Variants in PRKCE observed in about 807,000 individuals in gnomAD.
PRKCE encodes the protein protein kinase C epsilon type.
Under a neutral mutation model 85.4 loss-of-function variants are expected in PRKCE, and 16 were observed. The observed-to-expected ratio is 0.19, with a 90% confidence interval of 0.13 to 0.28. The LOEUF (loss-of-function observed/expected upper bound fraction) is 0.28, where lower values mean the gene tolerates loss of function less well. Among genes scored for constraint, PRKCE ranks in the 10% least tolerant of loss-of-function variants. The pLI, the probability that PRKCE is intolerant of heterozygous loss-of-function variation, is 1.00. For missense variants in PRKCE, 573 were observed against 975.2 expected (o/e 0.59, Z 5.49); for synonymous variants, 388 against 371.5 (o/e 1.04, Z -0.51).
At chr2:45,934,616 T>G (rs1699294162) in intron 2 of PRKCE, among the ~76,000 whole-genome samples, 2 of 150,086 alleles carry the variant, frequency 1.3e-5, no homozygotes, top group African/African-American at 4.9e-5. Flanking sequence ...ACCACTGCAA[T>G]CCAGCCTGGG....
chr2:45,679,085 A>G (rs1053373389), intron 1 of PRKCE, among the ~76,000 whole-genome samples: 1 of 152,170 alleles, frequency 6.6e-6, no homozygotes. Context: ...AAAGAATAGA[A>G]AAGAGAGAGA....
intron 11 of PRKCE, among the ~76,000 whole-genome samples, chr2:46,132,953 G>A (rs867944551): frequency 2.6e-5 from 4 of 152,204 alleles, no homozygotes; most frequent in Middle Eastern, 3.4e-3. Flanking sequence ...CTACATCCCC[G>A]TCAAATTGTG....
chr2:45,943,720 G>A (rs928559348), intron 2 of PRKCE, among the ~76,000 whole-genome samples: 3 of 152,126 alleles, frequency 2.0e-5, no homozygotes, highest in Non-Finnish European at 2.9e-5. Flanking sequence ...TAAGTTACAC[G>A]TCTTAGCAGA....
intron 10 of PRKCE, among the ~76,000 whole-genome samples, chr2:46,033,257 G>A (rs958416523): frequency 6.6e-6 from 1 of 152,200 alleles, no homozygotes; most frequent in African/African-American, 2.4e-5. Context: ...GGTGAGAGAG[G>A]TCTGGTAGCC....
intron 1 of PRKCE, among the ~76,000 whole-genome samples, chr2:45,668,800 C>T (rs111376308): frequency 4.0e-3 from 611 of 151,928 alleles, no homozygotes; most frequent in African/African-American, 0.014. Flanking sequence ...AATATGCATC[C>T]GAAAAGAAAA....
chr2:46,019,903 G>A (rs914820175), intron 10 of PRKCE, among the ~76,000 whole-genome samples: 1 of 140,824 alleles, frequency 7.1e-6, no homozygotes, highest in Non-Finnish European at 1.5e-5. Flanking sequence ...ATGCTGGAGT[G>A]CAACGGCGCA....
chr2:45,820,997 C>T (rs1689486143), intron 1 of PRKCE, among the ~76,000 whole-genome samples: 1 of 151,686 alleles, frequency 6.6e-6, no homozygotes, highest in Non-Finnish European at 1.5e-5. Context: ...TCACCTTATA[C>T]AAGAGATTAC....
chr2:45,791,835 C>T lies in PRKCE; in HGVS notation c.349-51165C>T, dbSNP rs74773331. Reference sequence around the variant, plus strand: ...AATGGTCAGGAGCACGGGCTTTGACCCCAGCTCTCTCAATGAGAATCCCGG... The same window carrying T: ...AATGGTCAGGAGCACGGGCTTTGACTCCAGCTCTCTCAATGAGAATCCCGG... On this transcript the variant is annotated intron_variant, in intron 1 of 14. Coordinates refer to ENST00000306156, the MANE Select transcript of PRKCE (RefSeq NM_005400.3). 5.3e-4 allele frequency among the ~76,000 whole-genome samples: 80 copies of T among 152,276 alleles called. No homozygotes were observed. In the East Asian group the frequency reaches 0.015, roughly 29 times the overall value.
intron 13 of PRKCE, among the ~76,000 whole-genome samples, chr2:46,158,591 G>A (rs1256095222): frequency 6.6e-6 from 1 of 152,220 alleles, no homozygotes; most frequent in African/African-American, 2.4e-5. Flanking sequence ...GAAATAGTTA[G>A]AGGCTCTCTC....
chr2:46,167,520 A>G (rs1329208660), intron 14 of PRKCE, among the ~76,000 whole-genome samples: 1 of 152,166 alleles, frequency 6.6e-6, no homozygotes, highest in African/African-American at 2.4e-5. Context: ...GCAAGGCACC[A>G]GCCATTACAG....
intron 2 of PRKCE, among the ~76,000 whole-genome samples, chr2:45,844,719 A>G (rs918588392): frequency 3.9e-5 from 6 of 152,252 alleles, no homozygotes; most frequent in Non-Finnish European, 5.9e-5. Context: ...TTCCTGTGCC[A>G]AGATGCTGAG....
intron 11 of PRKCE, among the ~76,000 whole-genome samples, chr2:46,089,257 A>G (rs531473231): frequency 1.3e-5 from 2 of 152,272 alleles, no homozygotes; most frequent in African/African-American, 2.4e-5. Flanking sequence ...CTACATGCCA[A>G]TGACTCTTCA....
intron 3 of PRKCE, 71 bp downstream of exon 3, chr2:45,976,659 G>A: frequency 6.6e-7 from 1 of 1,504,030 alleles, no homozygotes; most frequent in Non-Finnish European, 9.0e-7. Flanking sequence ...GGGTAGGGGA[G>A]ACTATGCACC....
At chr2:46,057,144 C>A (rs1249698392) in intron 10 of PRKCE, among the ~76,000 whole-genome samples, 1 of 152,212 alleles carries the variant, frequency 6.6e-6, no homozygotes, top group Non-Finnish European at 1.5e-5. Context: ...AGTCAAGCTG[C>A]TCACGTGGTG....
chr2:45,781,234 G>A (rs1573330651), intron 1 of PRKCE, among the ~76,000 whole-genome samples: 4 of 152,120 alleles, frequency 2.6e-5, no homozygotes, highest in Non-Finnish European at 5.9e-5. Context: ...CTGCTTGGGA[G>A]GTTGAGGTGG....
chr2:46,015,080 C>T (rs1248724213), intron 10 of PRKCE, among the ~76,000 whole-genome samples: 2 of 152,120 alleles, frequency 1.3e-5, no homozygotes, highest in African/African-American at 4.8e-5. Context: ...TGTGAGCCCT[C>T]CTTATTGGAC....
chr2:45,721,903 A>AATG (rs1376469997), intron 1 of PRKCE, among the ~76,000 whole-genome samples: 1 of 151,618 alleles, frequency 6.6e-6, no homozygotes, highest in African/African-American at 2.4e-5. Flanking sequence ...AAGAAACATA[A>AATG]ATGGGATTTG....
intron 10 of PRKCE, among the ~76,000 whole-genome samples, chr2:46,065,731 T>C (rs1212244618): frequency 2.0e-5 from 3 of 152,236 alleles, no homozygotes; most frequent in African/African-American, 7.2e-5. Context: ...TATTTTCCAA[T>C]TAAAAAATTA....
chr2:45,955,808 C>A (rs916152880), intron 2 of PRKCE, among the ~76,000 whole-genome samples: 11 of 151,106 alleles, frequency 7.3e-5, no homozygotes, highest in African/African-American at 2.2e-4. Flanking sequence ...AAAAAAAAAA[C>A]AAAGTGTCAT....
Sources: gnomAD v4.1 joint callset for allele counts (sites outside exome capture counted in the v4.1 genomes callset) on GRCh38, gnomAD v4.1.1 for gene constraint, MANE v1.5 for transcripts, NCBI Gene and HGNC (gene_info 2026-07-23, HGNC 2026-07-21) for gene names.